Variants in RNF123 observed in about 807,000 individuals in gnomAD.
RNF123 encodes ring finger protein 123.
RNF123 carries 86 observed loss-of-function variants against 168.5 expected under a neutral mutation model. The observed-to-expected ratio is 0.51, with a 90% CI of 0.43 to 0.61. The LOEUF is 0.61. Ranked by LOEUF, RNF123 falls within the 20% of genes least tolerant of loss-of-function variation. The pLI, the probability that RNF123 is intolerant of heterozygous loss-of-function variation, is 0.00. For missense variants in RNF123, 1,419 were observed against 1,729.7 expected (o/e 0.82, Z 3.19); for synonymous variants, 666 against 689.1 (o/e 0.97, Z 0.52).
chr3:49,719,284 G>T, intron 35 of RNF123: 2 of 1,613,208 alleles, frequency 1.2e-6, no homozygotes, highest in Non-Finnish European at 1.7e-6. Flanking sequence ...CGCAGTAGCG[G>T]CAGGTAACTC....
At position 49,718,738 on chromosome 3, in the gene RNF123, C is replaced by T; in HGVS notation, c.3501-1773C>T. On this transcript the variant is annotated intron_variant, in intron 35 of 38. Coordinates refer to ENST00000327697, the MANE Select transcript of RNF123 (RefSeq NM_022064.5). ...GCATACGTACTCGCGCGCAAAGTCG[C>T]GCACGGCGCTCAGGCCCCGCTGGTG... 6.2e-7 allele frequency: 1 copy of T among 1,613,060 alleles called. No homozygotes were observed. Among genetic ancestry groups the T allele is most frequent in the Admixed American group, 1.7e-5 (1 of 60,010 alleles).
chr3:49,713,717 A>C (rs2080187341), intron 28 of RNF123, 21 bp from the exon 29 acceptor site: 1 of 1,586,714 alleles, frequency 6.3e-7, no homozygotes, highest in Non-Finnish European at 8.6e-7. Context: ...GCCCCTGCTG[A>C]GGCACGGTGT....
In RNF123 at chr3:49,697,441, A is replaced by G; in HGVS notation, c.326A>G (p.Asp109Gly). ...TGGFEGLLLV[D>G]DDLLGVIGHS... ...GGCTTTGAGGGGCTTCTCCTGGTGG[A>G]TGATGACCTGCTGGGGGTGAGTGAG... is the stretch of plus-strand genomic sequence containing the variant. The change falls in exon 5 of 39, where the codon GAT (aspartate) becomes GGT (glycine). Residue 109 changes from aspartate (D) to glycine (G), a missense_variant. Physicochemically the swap from Asp to Gly is moderately conservative, Grantham distance 94 (BLOSUM62 -1). Around this residue, in one of 5 missense-constraint regions of RNF123, gnomAD observed 318 missense variants for 446.6 expected, o/e 0.71. Transcript: ENST00000327697. 6.2e-7 allele frequency: 1 copy of G among 1,608,484 alleles called. No homozygotes were observed. The highest frequency in any genetic ancestry group is 8.5e-7 in the Non-Finnish European group (1 of 1,177,196).
rs1258560145 is a variant in RNF123, at chr3:49,713,525, C to T, written c.2687C>T (p.Thr896Ile). The T allele has an allele frequency of 6.2e-7, 1 of 1,610,106 alleles. No individual in the cohort carries two copies. Among genetic ancestry groups the T allele is most frequent in the Non-Finnish European group, 8.5e-7 (1 of 1,178,326 alleles). The change falls in exon 28 of 39, where the codon ACC (threonine) becomes ATC (isoleucine). Residue 896 changes from threonine (T) to isoleucine (I), a missense_variant. This residue lies in a region of RNF123 where 538 missense variants were observed against 708.8 expected (regional missense o/e 0.76). Coordinates refer to ENST00000327697, the MANE Select transcript of RNF123 (RefSeq NM_022064.5). ...SMEELPGYEE[T>I]LTRLAAILAK... is the part of the protein sequence containing the mutation. Reference sequence around the variant, plus strand: ...CCCACCCTTGCAGGCTATGAAGAGACCCTGACCCGCCTGGCTGCCATTCTC... The same window carrying T: ...CCCACCCTTGCAGGCTATGAAGAGATCCTGACCCGCCTGGCTGCCATTCTC...
At chr3:49,696,598 A>G in intron 3 of RNF123, among the ~76,000 whole-genome samples, 1 of 150,754 alleles carries the variant, frequency 6.6e-6, no homozygotes, top group South Asian at 2.1e-4. Flanking sequence ...CAGCCTCCCA[A>G]AGTGCTGGGA....
intron 4 of RNF123, 21 bp downstream of exon 4, chr3:49,697,243 T>G (rs1279006793): frequency 3.1e-6 from 5 of 1,610,312 alleles, no homozygotes; most frequent in South Asian, 1.1e-5. Context: ...ACCTCTGGAG[T>G]GGGGTTGGGA....
intron 5 of RNF123, 118 bp from the exon 6 acceptor site, chr3:49,697,767 G>A (rs1158929367): frequency 1.6e-6 from 2 of 1,261,712 alleles, no homozygotes; most frequent in Non-Finnish European, 2.3e-6. Context: ...ACAGTGCAGT[G>A]TTGGCCGCCA....
At chr3:49,693,988 A>G (rs183795375) in intron 3 of RNF123, among the ~76,000 whole-genome samples, 113 of 152,058 alleles carry the variant, frequency 7.4e-4, no homozygotes, top group African/African-American at 2.6e-3. Context: ...CGTTCTTTGT[A>G]TATTCTGGTT....
rs183609993 is a variant in RNF123 at position 49,691,488 on chromosome 3, C to T, written c.146C>T (p.Ala49Val). ...CGCATCTTTTCCTCTTCTGAACATG[C>T]ACCCCCAGCAGCCACCAGCAGGTAT... ...LNRIFSSSEH[A>V]PPAATSRKPL... Residue 49 changes from alanine (A) to valine (V), a missense_variant, in exon 3 of 39, where the codon GCA becomes GTA. Ala to Val is a moderately conservative substitution (Grantham distance 64, BLOSUM62 0). This residue lies in a region of RNF123 where 318 missense variants were observed against 446.6 expected (regional missense o/e 0.71). Coordinates refer to ENST00000327697, the MANE Select transcript of RNF123 (RefSeq NM_022064.5). 1.2e-6 allele frequency: 2 copies of T among 1,614,130 alleles called. No homozygotes were observed. Among genetic ancestry groups the T allele is most frequent in the East Asian group, 4.5e-5 (2 of 44,884 alleles).
chr3:49,720,349 CT>C (rs2080372135), intron 35 of RNF123, 161 bp from the exon 36 acceptor site: 1 of 595,826 alleles, frequency 1.7e-6, no homozygotes, highest in African/African-American at 1.9e-5. Context: ...TGTGTGGCAC[CT>C]TACTAGAATA....
At position 49,704,718 on chromosome 3, in the gene RNF123, C is replaced by G; in HGVS notation, c.1921C>G (p.Leu641Val). The G allele has an allele frequency of 6.3e-7, 1 of 1,597,416 alleles. No homozygotes were observed. Among genetic ancestry groups the G allele is most frequent in the Non-Finnish European group, 8.5e-7 (1 of 1,172,096 alleles). ...LELQSTAMDD[L>V]DEDEEPAPAM... ...GCTCCAGTCAACCGCCATGGATGAC[C>G]TAGATGAGGATGAGGAGCCAGCCCC... The change falls in exon 22 of 39, where the codon CTA becomes GTA. Residue 641 changes from leucine (L) to valine (V), a missense_variant. Physicochemically the swap from Leu to Val is conservative, Grantham distance 32. Coordinates refer to ENST00000327697, the MANE Select transcript of RNF123 (RefSeq NM_022064.5).
At chr3:49,713,358 A>G (rs1265125622) in intron 27 of RNF123, 155 bp from the exon 28 acceptor site, 3 of 672,154 alleles carry the variant, frequency 4.5e-6, no homozygotes, top group East Asian at 2.7e-5. Flanking sequence ...CCACCAATGA[A>G]TGCTTTGCCC....
chr3:49,710,780 A>C (rs898351889), intron 26 of RNF123, among the ~76,000 whole-genome samples: 2 of 152,222 alleles, frequency 1.3e-5, no homozygotes, highest in African/African-American at 4.8e-5. Context: ...GAGCAGAAGT[A>C]GAGAAAGTGG....
intron 31 of RNF123, 48 bp from the exon 32 acceptor site, chr3:49,715,527 G>T (rs2080223340): frequency 6.2e-7 from 1 of 1,610,050 alleles, no homozygotes; most frequent in East Asian, 2.2e-5. Context: ...ACAGGCAGAG[G>T]CCACTGCAGT....
intron 3 of RNF123, among the ~76,000 whole-genome samples, chr3:49,696,302 A>G (rs1344522830): frequency 6.6e-6 from 1 of 151,826 alleles, no homozygotes; most frequent in Non-Finnish European, 1.5e-5. Context: ...AACATAAGTC[A>G]CTATTCTGTT....
intron 15 of RNF123, 71 bp from the exon 16 acceptor site, chr3:49,701,420 C>G: frequency 8.2e-7 from 1 of 1,217,698 alleles, no homozygotes; most frequent in Non-Finnish European, 1.2e-6. Context: ...GGGATGGGCT[C>G]CTGGGGAAGG....
In RNF123 at chr3:49,697,937, A is replaced by T. The variant is rs1243141935; in HGVS notation, c.395A>T (p.Lys132Ile). Residue 132 changes from lysine to isoleucine, a missense_variant and splice_region_variant, in exon 6 of 39, where the codon AAA becomes ATA. Physicochemically the swap from Lys to Ile is moderately radical, Grantham distance 102 (BLOSUM62 -3). This residue lies in a region of RNF123 where 318 missense variants were observed against 446.6 expected (regional missense o/e 0.71). Coordinates refer to ENST00000327697, the MANE Select transcript of RNF123 (RefSeq NM_022064.5). ...ATCCGCTCTACCACATGCGTGTACA[A>T]AGGTGAGACCTTACCCTGCTGTGGC... ...GTIRSTTCVYKGKWLYEVLIS... is the reference protein window; with the variant it reads ...GTIRSTTCVYIGKWLYEVLIS... 6.2e-6 allele frequency: 10 copies of T among 1,614,200 alleles called. No homozygotes were observed. Among genetic ancestry groups the T allele is most frequent in the Non-Finnish European group, 8.5e-6 (10 of 1,180,036 alleles).
At chr3:49,702,508 C>T in intron 19 of RNF123, 103 bp downstream of exon 19, 1 of 1,603,510 alleles carries the variant, frequency 6.2e-7, no homozygotes, top group East Asian at 2.2e-5. Flanking sequence ...CCTGCCTAGC[C>T]CCAAGCTTTT....
Position 49,699,234 on chromosome 3 carries a change from C to A in RNF123, c.764+129C>A. On this transcript the variant is annotated intron_variant, in intron 10 of 38. Transcript: ENST00000327697. This position sits in a 1 kb window ranked among gnomAD's most constrained non-coding sequence, Gnocchi z 4.8. ...GGCTGCTGCAGAGTTAGTGGGGGGC[C>A]ATGTAGAGTGTCGAAGAAAACTTTC... is the stretch of plus-strand genomic sequence containing the variant. 7.6e-7 allele frequency: 1 copy of A among 1,313,374 alleles called. No individual in the cohort carries two copies. The highest frequency in any genetic ancestry group is 1.0e-6 in the Non-Finnish European group (1 of 963,532). 81.4% of individuals were successfully genotyped at this position (1,313,374 alleles called of 1,614,324 possible).
Sources: gnomAD v4.1 joint callset for allele counts (sites outside exome capture counted in the v4.1 genomes callset) on GRCh38, gnomAD v4.1.1 for gene constraint, gnomAD v4.1.1 regional missense constraint, Gnocchi (gnomAD v3.1) non-coding constraint, MANE v1.5 for transcripts, NCBI Gene and HGNC (gene_info 2026-07-23, HGNC 2026-07-21) for gene names.